Variants in HTR2C observed in about 807,000 individuals in gnomAD.
The protein encoded by HTR2C is 5-hydroxytryptamine (serotonin) receptor 2C, G protein-coupled.
HTR2C carries 5 observed loss-of-function variants against 21.0 expected under a neutral mutation model. The ratio of observed to expected loss-of-function variants is 0.24; its 90% CI spans 0.12 to 0.50. The LOEUF (loss-of-function observed/expected upper bound fraction) is 0.50. Ranked by LOEUF, HTR2C falls within the 20% of genes least tolerant of loss-of-function variation. The pLI, the probability that HTR2C is intolerant of heterozygous loss-of-function variation, is 0.98. For synonymous variants in HTR2C, 150 were observed against 145.3 expected (o/e 1.03, Z -0.23); for missense variants, 271 against 371.2 (o/e 0.73, Z 2.22).
rs1556448342 is a variant in HTR2C at position 114,805,405 on chromosome X, C to CTT, written c.350-42598_350-42597insTT. Among the ~76,000 whole-genome samples, 5 of 29,392 alleles carry CTT rather than the reference C, an allele frequency of 1.7e-4. No individual in the cohort carries two copies. In the East Asian group the frequency reaches 0.014, roughly 80 times the overall value. 25.5% of individuals were successfully genotyped at this position (29,392 alleles called of 115,157 possible). On this transcript the variant is annotated intron_variant, in intron 4 of 5. Coordinates refer to ENST00000276198, the MANE Select transcript of HTR2C (RefSeq NM_000868.4). ...TTACAACTCTGCACCTGTCTCCACC[C>CTT]CTTTTTTTTTTTTTTTGCCATTTCC...
chrX:114,691,306 C>T (rs961058817), intron 2 of HTR2C, among the ~76,000 whole-genome samples: 4 of 110,932 alleles, frequency 3.6e-5, no homozygotes, highest in East Asian at 2.9e-4. Flanking sequence ...ATCAACTGCC[C>T]GATGCTAAGT....
chrX:114,860,568 T>C lies in HTR2C; in HGVS notation c.550+12365T>C, dbSNP rs190762227. Among the ~76,000 whole-genome samples the C allele has an allele frequency of 1.0e-3, 112 of 111,473 alleles. 1 individual carries two copies. The highest frequency in any genetic ancestry group is 3.5e-3 in the African/African-American group (109 of 30,893). ...AAGTATTTCATTTTTAGTTGAAGTT[T>C]TTAAACCACTTAAACGATATACTTT... On this transcript the variant is annotated intron_variant, in intron 5 of 5. Transcript: ENST00000276198.
At chrX:114,715,924 C>G (rs1932987164) in intron 2 of HTR2C, among the ~76,000 whole-genome samples, 1 of 112,475 alleles carries the variant, frequency 8.9e-6, no homozygotes, top group African/African-American at 3.2e-5. Context: ...ACTACATGCC[C>G]AGCATCTGGC....
chrX:114,868,073 T>C (rs1318272898), intron 5 of HTR2C, among the ~76,000 whole-genome samples: 1 of 110,713 alleles, frequency 9.0e-6, no homozygotes, highest in African/African-American at 3.3e-5. Context: ...AGAGATTGAA[T>C]TGAATCTGTA....
intron 3 of HTR2C, among the ~76,000 whole-genome samples, chrX:114,729,608 C>T (rs2069516601): frequency 9.0e-6 from 1 of 111,614 alleles, no homozygotes; most frequent in South Asian, 3.7e-4. Context: ...ATTATTTTTG[C>T]CTATTTTTTA....
In HTR2C at chrX:114,701,849, A is replaced by G. The variant is rs868926701; in HGVS notation, c.-79-25009A>G. Among the ~76,000 whole-genome samples the G allele has an allele frequency of 7.6e-3, 849 of 111,734 alleles. 14 individuals carry two copies. The highest frequency in any genetic ancestry group is 0.026 in the African/African-American group (796 of 30,789). Reference sequence around the variant, plus strand: ...CGAATGTATAACTAGAATAACCAATACAGAGAAGTCCTTAAAGGAGCTGAT... The same window carrying G: ...CGAATGTATAACTAGAATAACCAATGCAGAGAAGTCCTTAAAGGAGCTGAT... On this transcript the variant is annotated intron_variant, in intron 2 of 5. Transcript: ENST00000276198.
chrX:114,719,475 T>C (rs1475929229), intron 2 of HTR2C, among the ~76,000 whole-genome samples: 3 of 111,410 alleles, frequency 2.7e-5, no homozygotes, highest in African/African-American at 9.8e-5. Flanking sequence ...TAAGATAACA[T>C]AATTTATGTT....
chrX:114,806,345 A>G (rs1186355283), intron 4 of HTR2C, among the ~76,000 whole-genome samples: 7 of 97,918 alleles, frequency 7.1e-5, no homozygotes, highest in Non-Finnish European at 4.1e-5. Flanking sequence ...TACACCATAT[A>G]TATACACACC....
chrX:114,629,641 T>G (rs1929525793), intron 2 of HTR2C, among the ~76,000 whole-genome samples: 1 of 111,486 alleles, frequency 9.0e-6, no homozygotes, highest in South Asian at 3.7e-4. Flanking sequence ...AAATCGAACA[T>G]TCACAATCTG....
chrX:114,586,824 G>A (rs1425355662), intron 1 of HTR2C, among the ~76,000 whole-genome samples: 1 of 110,616 alleles, frequency 9.0e-6, no homozygotes, highest in Admixed American at 9.6e-5. Context: ...ATTTCATATA[G>A]TCTTCATAGC....
intron 5 of HTR2C, among the ~76,000 whole-genome samples, chrX:114,877,505 C>T (rs1292274655): frequency 2.7e-5 from 3 of 109,859 alleles, no homozygotes; most frequent in Non-Finnish European, 5.7e-5. Flanking sequence ...TTAGTTTGTT[C>T]TTTTTGTTCT....
intron 4 of HTR2C, among the ~76,000 whole-genome samples, chrX:114,835,542 G>C (rs1233523364): frequency 9.1e-6 from 1 of 110,417 alleles, no homozygotes; most frequent in African/African-American, 3.3e-5. Flanking sequence ...CTCGAGCCTT[G>C]GTTTTCAGTT....
chrX:114,604,845 T>C (rs1332063430), intron 1 of HTR2C, among the ~76,000 whole-genome samples: 6 of 111,389 alleles, frequency 5.4e-5, no homozygotes, highest in African/African-American at 2.0e-4. Flanking sequence ...GTGCTGGAGA[T>C]GTGGCTGGGG....
intron 4 of HTR2C, among the ~76,000 whole-genome samples, chrX:114,785,021 A>G (rs1267581271): frequency 8.9e-6 from 1 of 111,956 alleles, no homozygotes; most frequent in Admixed American, 9.5e-5. Flanking sequence ...GTATTTACCA[A>G]TAAGGTCACA....
chrX:114,858,753 C>CT (rs782713249), intron 5 of HTR2C, among the ~76,000 whole-genome samples: 9 of 104,941 alleles, frequency 8.6e-5, no homozygotes, highest in South Asian at 4.0e-4. Flanking sequence ...TAGTAGACAT[C>CT]TTTTTTTTTT....
At chrX:114,848,431 ATTATT>A (rs782449587) in intron 5 of HTR2C, among the ~76,000 whole-genome samples, 1 of 112,251 alleles carries the variant, frequency 8.9e-6, no homozygotes, top group Non-Finnish European at 1.9e-5. Context: ...ATGCTGCTAA[ATTATT>A]TTATGCATTA....
chrX:114,725,141 T>C (rs1556421593), intron 2 of HTR2C, among the ~76,000 whole-genome samples: 1 of 111,387 alleles, frequency 9.0e-6, no homozygotes, highest in African/African-American at 3.3e-5. Flanking sequence ...TCCCTGTCAC[T>C]TTCAGGTACA....
chrX:114,681,627 T>A (rs190048526), intron 2 of HTR2C, among the ~76,000 whole-genome samples: 1 of 111,504 alleles, frequency 9.0e-6, no homozygotes, highest in African/African-American at 3.3e-5. Context: ...AATAATGTTT[T>A]CTCTGGTTTG....
intron 2 of HTR2C, among the ~76,000 whole-genome samples, chrX:114,637,142 C>G (rs1257034747): frequency 9.1e-6 from 1 of 110,320 alleles, no homozygotes; most frequent in Non-Finnish European, 1.9e-5. Flanking sequence ...TTCAGAAATA[C>G]ATAATCTTGT....
Sources: gnomAD v4.1 joint callset for allele counts (sites outside exome capture counted in the v4.1 genomes callset) on GRCh38, gnomAD v4.1.1 for gene constraint, MANE v1.5 for transcripts, NCBI Gene and HGNC (gene_info 2026-07-23, HGNC 2026-07-21) for gene names.